SMAD9: variants seen among roughly 807,000 people sequenced by gnomAD.
The protein encoded by SMAD9 is SMAD family member 9.
A neutral mutation model predicts 46.1 loss-of-function variants in SMAD9; 36 were observed. The observed-to-expected ratio is 0.78, with a 90% CI of 0.60 to 1.03. The LOEUF (loss-of-function observed/expected upper bound fraction) is 1.03. SMAD9 is among the 50% of genes least tolerant of loss of function. The pLI is 0.00. For synonymous variants in SMAD9, 245 were observed against 237.1 expected (o/e 1.03, Z -0.31); for missense variants, 572 against 599.8 (o/e 0.95, Z 0.48).
chr13:36,919,613 A>G (rs2058725611), intron 1 of SMAD9, among the ~76,000 whole-genome samples: 1 of 138,294 alleles, frequency 7.2e-6, no homozygotes, highest in Non-Finnish European at 1.5e-5. Context: ...GCTGTCCCCT[A>G]TCTCCAGCTA....
chr13:36,885,499 C>A (rs2058437947), intron 1 of SMAD9, among the ~76,000 whole-genome samples: 1 of 152,136 alleles, frequency 6.6e-6, no homozygotes, highest in Admixed American at 6.6e-5. Context: ...AAGACATAAT[C>A]ACTTTATGCA....
chr13:36,893,731 T>C (rs1430171583), intron 1 of SMAD9, among the ~76,000 whole-genome samples: 1 of 151,848 alleles, frequency 6.6e-6, no homozygotes, highest in Non-Finnish European at 1.5e-5. Context: ...CTAAATATCC[T>C]AGAGATACAT....
intron 5 of SMAD9, among the ~76,000 whole-genome samples, chr13:36,862,385 C>T (rs974779688): frequency 4.6e-5 from 7 of 152,180 alleles, no homozygotes; most frequent in Admixed American, 2.6e-4. Flanking sequence ...AAAGTGACCT[C>T]TAGTCATCCT....
intron 5 of SMAD9, among the ~76,000 whole-genome samples, chr13:36,862,445 T>C (rs1460298152): frequency 1.3e-5 from 2 of 151,510 alleles, no homozygotes; most frequent in Admixed American, 1.3e-4. Flanking sequence ...TAAAAGACAC[T>C]CCCACTAGCA....
At chr13:36,896,874 A>T (rs1040727891) in intron 1 of SMAD9, among the ~76,000 whole-genome samples, 13 of 152,308 alleles carry the variant, frequency 8.5e-5, no homozygotes, top group Admixed American at 6.5e-4. Flanking sequence ...TTAAGTACTT[A>T]ATGTTTTTAA....
intron 1 of SMAD9, among the ~76,000 whole-genome samples, chr13:36,911,285 C>T (rs1332443001): frequency 6.6e-6 from 1 of 152,180 alleles, no homozygotes; most frequent in African/African-American, 2.4e-5. Flanking sequence ...GCTGGGATTA[C>T]AGGCATGAAC....
chr13:36,916,709 G>T (rs890987216), intron 1 of SMAD9, among the ~76,000 whole-genome samples: 11 of 151,918 alleles, frequency 7.2e-5, no homozygotes, highest in African/African-American at 1.5e-4. Context: ...ATTAGTCTAT[G>T]AGTAACTTAA....
chr13:36,862,059 G>A (rs936471874), intron 5 of SMAD9, among the ~76,000 whole-genome samples: 7 of 152,090 alleles, frequency 4.6e-5, no homozygotes, highest in African/African-American at 7.2e-5. Context: ...GGAAGGCCCC[G>A]CAACAATTTG....
chr13:36,863,579 T>A (rs1193888772), intron 5 of SMAD9, among the ~76,000 whole-genome samples: 1 of 152,178 alleles, frequency 6.6e-6, no homozygotes, highest in African/African-American at 2.4e-5. Flanking sequence ...AGGTGGGGCT[T>A]GGTGGGAGGT....
intron 1 of SMAD9, among the ~76,000 whole-genome samples, chr13:36,914,757 T>A (rs75295149): frequency 6.6e-6 from 1 of 152,186 alleles, no homozygotes; most frequent in African/African-American, 2.4e-5. Flanking sequence ...AATGTGGTAC[T>A]ACCAAGTCAG....
At chr13:36,907,974 T>C (rs2058632082) in intron 1 of SMAD9, among the ~76,000 whole-genome samples, 1 of 152,196 alleles carries the variant, frequency 6.6e-6, no homozygotes, top group Non-Finnish European at 1.5e-5. Flanking sequence ...TTAATCTCCT[T>C]TCAGCAGCCC....
chr13:36,852,528 T>A (rs542931258), intron 6 of SMAD9: 1 of 984,494 alleles, frequency 1.0e-6, no homozygotes, highest in East Asian at 1.1e-4. Flanking sequence ...CTTAATAAGA[T>A]TCGATATGAG....
rs576631027 is a variant in SMAD9, at chr13:36,889,061, A to C, written c.-186-9186T>G. On this transcript the variant is annotated intron_variant, in intron 1 of 6. Transcript: ENST00000379826. ...GAGAAGAGGACTGCAGAAGAGTGGGAAACAGGTTGCCCACTGTCTTTCCAA... is the reference window on the plus strand; with the variant it reads ...GAGAAGAGGACTGCAGAAGAGTGGGCAACAGGTTGCCCACTGTCTTTCCAA... 4.6e-5 allele frequency among the ~76,000 whole-genome samples: 7 copies of C among 152,326 alleles called. No homozygotes were observed. In the East Asian group the frequency reaches 1.4e-3, roughly 29 times the overall value.
At chr13:36,858,776 T>C (rs2058150834) in intron 5 of SMAD9, among the ~76,000 whole-genome samples, 1 of 152,210 alleles carries the variant, frequency 6.6e-6, no homozygotes, top group South Asian at 2.1e-4. Flanking sequence ...CTAACATCTA[T>C]TAGTTATTAG....
At chr13:36,905,124 T>C (rs1025844520) in intron 1 of SMAD9, among the ~76,000 whole-genome samples, 6 of 152,184 alleles carry the variant, frequency 3.9e-5, no homozygotes, top group African/African-American at 1.4e-4. Context: ...GAGGTGCCAC[T>C]GGCCTCTAGT....
intron 2 of SMAD9, 115 bp from the exon 3 acceptor site, chr13:36,873,030 C>A: frequency 8.6e-7 from 1 of 1,164,440 alleles, no homozygotes; most frequent in Non-Finnish European, 1.3e-6. Flanking sequence ...TGTTTTTCCC[C>A]TTGGGAACTA....
At chr13:36,863,435 T>C (rs2058202811) in intron 5 of SMAD9, among the ~76,000 whole-genome samples, 1 of 152,256 alleles carries the variant, frequency 6.6e-6, no homozygotes, top group Non-Finnish European at 1.5e-5. Context: ...GAACAGGTCA[T>C]CAGTCCCAGC....
At chr13:36,896,838 G>A (rs2058532826) in intron 1 of SMAD9, among the ~76,000 whole-genome samples, 1 of 151,768 alleles carries the variant, frequency 6.6e-6, no homozygotes, top group South Asian at 2.1e-4. Context: ...TTCAATGAAT[G>A]GTATACTCCA....
At chr13:36,873,221 A>G (rs886197011) in intron 2 of SMAD9, among the ~76,000 whole-genome samples, 5 of 152,224 alleles carry the variant, frequency 3.3e-5, no homozygotes, top group African/African-American at 1.2e-4. Flanking sequence ...CACTCTAAAG[A>G]GACCTGCTCT....
Sources: allele counts gnomAD v4.1 joint callset (sites outside exome capture counted in the v4.1 genomes callset), GRCh38; gene constraint gnomAD v4.1.1; transcripts MANE v1.5; gene names NCBI Gene and HGNC (gene_info 2026-07-23, HGNC 2026-07-21).